RARS2: variants seen among roughly 807,000 people sequenced by gnomAD.
RARS2 encodes the protein arginyl-tRNA synthetase 2, mitochondrial.
A neutral mutation model predicts 88.5 loss-of-function variants in RARS2; 67 were observed. The observed-to-expected ratio is 0.76, with a 90% CI of 0.62 to 0.93. The LOEUF (loss-of-function observed/expected upper bound fraction) is 0.93, where lower values mean the gene tolerates loss of function less well. RARS2 is among the 40% of genes least tolerant of loss of function. RARS2 has a pLI of 0.00. For synonymous variants in RARS2, 239 were observed against 230.3 expected (o/e 1.04, Z -0.34); for missense variants, 664 against 684.2 (o/e 0.97, Z 0.33).
In RARS2 at chr6:87,569,580, ACT is replaced by A; in HGVS notation, c.45_46del (p.Arg15SerfsTer26). On this transcript the variant is annotated frameshift_variant, in exon 2 of 20. Transcript: ENST00000369536. LOFTEE classifies it high-confidence loss of function. The stretch of plus-strand genomic sequence containing the variant: ...CAAGTTTTCTGGTGGAAGATTCAAC[ACT>A]CTGGAAAGCTAAAAATCAAAAAGAA... 6.2e-7 allele frequency: 1 copy of A among 1,606,776 alleles called. No individual in the cohort carries two copies. The highest frequency in any genetic ancestry group is 8.5e-7 in the Non-Finnish European group (1 of 1,173,576).
intron 1 of RARS2, among the ~76,000 whole-genome samples, chr6:87,584,452 G>A (rs955592242): frequency 6.6e-6 from 1 of 152,086 alleles, no homozygotes; most frequent in Non-Finnish European, 1.5e-5. Context: ...ATACGGCACC[G>A]TACAAGTGAG....
intron 1 of RARS2, among the ~76,000 whole-genome samples, chr6:87,576,080 G>C (rs138089936): frequency 7.1e-6 from 1 of 140,350 alleles, no homozygotes; most frequent in African/African-American, 2.6e-5. Flanking sequence ...GATTACAGGC[G>C]TGAGCCAATG....
At chr6:87,519,196 G>GTGTGTA (rs1772929569) in intron 14 of RARS2, 1 of 271,486 alleles carries the variant, frequency 3.7e-6, no homozygotes, top group Non-Finnish European at 7.0e-6. Flanking sequence ...GTGTGTGTGT[G>GTGTGTA]TGTGTGTGTG....
chr6:87,520,859 A>AT (rs1454503605), intron 12 of RARS2, among the ~76,000 whole-genome samples: 1 of 152,202 alleles, frequency 6.6e-6, no homozygotes, highest in East Asian at 1.9e-4. Flanking sequence ...TGAAGGTGTG[A>AT]TTATTAAGTG....
At chr6:87,568,096 A>G (rs1290328115) in intron 2 of RARS2, among the ~76,000 whole-genome samples, 1 of 152,224 alleles carries the variant, frequency 6.6e-6, no homozygotes, top group Non-Finnish European at 1.5e-5. Flanking sequence ...TATAAACTAA[A>G]GTTAATACCT....
chr6:87,518,726 AAACC>A lies in RARS2; in HGVS notation c.1315_1318del (p.Gly439TyrfsTer43), dbSNP rs1772684260. 1 of 1,614,078 alleles carries A rather than the reference AAACC, an allele frequency of 6.2e-7. No homozygotes were observed. The highest frequency in any genetic ancestry group is 2.2e-5 in the East Asian group (1 of 44,876). On this transcript the variant is annotated frameshift_variant, in exon 16 of 20. Transcript: ENST00000369536. LOFTEE classifies it high-confidence loss of function. ...GCTGAACTTGTAGTCAGATAAGAGT[AAACC>A]TTTGAAGTCCTAAAACGACAGAGGA...
At chr6:87,561,037 T>TA (rs1479522260) in intron 4 of RARS2, among the ~76,000 whole-genome samples, 1 of 152,248 alleles carries the variant, frequency 6.6e-6, no homozygotes, top group Non-Finnish European at 1.5e-5. Flanking sequence ...TAGTGATTTA[T>TA]ATATTTACTT....
In RARS2 at chr6:87,589,908, T is replaced by TC; in HGVS notation, c.36+13dup. 1 of 1,611,052 alleles carries TC rather than the reference T, an allele frequency of 6.2e-7. No homozygotes were observed. ...GCTCCTCAGGGACTCCTCTGCGCGC[T>TC]CCGGGATCCATACCTGGCAAGCAAT... On this transcript the variant is annotated intron_variant, in intron 1 of 19. Transcript: ENST00000369536.
In RARS2 at chr6:87,529,602, C is replaced by A. The variant is rs139721632; in HGVS notation, c.818G>T (p.Arg273Leu). 527 of 1,609,796 alleles carry A rather than the reference C, an allele frequency of 3.3e-4. No individual in the cohort carries two copies. The highest frequency in any genetic ancestry group is 4.4e-4 in the Non-Finnish European group (516 of 1,176,222). ...CTTTAAGACCTCTTGAGATTTTTCACGATAAAATGATTCTCCTGAATATTC... is the reference window on the plus strand; with the variant it reads ...CTTTAAGACCTCTTGAGATTTTTCAAGATAAAATGATTCTCCTGAATATTC... Reference protein sequence around the residue: ...FDEYSGESFYREKSQEVLKLL... With the variant: ...FDEYSGESFYLEKSQEVLKLL... Residue 273 changes from arginine (R) to leucine (L), a missense_variant, in exon 10 of 20, where the codon CGT becomes CTT. By Grantham distance (102) the Arg-to-Leu change is moderately radical (BLOSUM62 -2). Transcript: ENST00000369536.
chr6:87,518,711 T>C lies in RARS2; in HGVS notation c.1334A>G (p.Tyr445Cys), dbSNP rs144896612. 3 of 1,614,114 alleles carry C rather than the reference T, an allele frequency of 1.9e-6. No homozygotes were observed. The highest frequency in any genetic ancestry group is 2.2e-5 in the East Asian group (1 of 44,878). Residue 445 changes from tyrosine to cysteine, a missense_variant, in exon 16 of 20, where the codon TAC becomes TGC. Coordinates refer to ENST00000369536, the MANE Select transcript of RARS2 (RefSeq NM_020320.5). ...QDFKGLLLSD[Y>C]KFSWDRVFQS... ...GAAAACACGATCCCAGCTGAACTTG[T>C]AGTCAGATAAGAGTAAACCTTTGAA... is the stretch of plus-strand genomic sequence containing the variant.
At chr6:87,542,344 C>T (rs1300560149) in intron 7 of RARS2, among the ~76,000 whole-genome samples, 4 of 152,126 alleles carry the variant, frequency 2.6e-5, no homozygotes, top group African/African-American at 9.7e-5. Flanking sequence ...TAAGCATCTA[C>T]TCTGTTGAAG....
intron 11 of RARS2, 121 bp from the exon 12 acceptor site, chr6:87,521,645 G>C (rs981308339): frequency 1.4e-6 from 1 of 736,726 alleles, no homozygotes; most frequent in Non-Finnish European, 2.4e-6. Context: ...ACAGCCTGAG[G>C]AATTCCACCC....
At chr6:87,573,217 G>A (rs9444516) in intron 1 of RARS2, among the ~76,000 whole-genome samples, 47,331 of 152,012 alleles carry the variant, frequency 0.31, 7,504 homozygotes, top group Admixed American at 0.41. Context: ...AAGGGAAGCA[G>A]GCACATCTCA....
intron 1 of RARS2, among the ~76,000 whole-genome samples, chr6:87,587,866 G>A (rs1450995059): frequency 6.6e-6 from 1 of 152,072 alleles, no homozygotes; most frequent in Non-Finnish European, 1.5e-5. Flanking sequence ...AGCCACCTGG[G>A]CCCAAACGAT....
At chr6:87,560,133 A>C (rs1251401932) in intron 4 of RARS2, among the ~76,000 whole-genome samples, 1 of 152,256 alleles carries the variant, frequency 6.6e-6, no homozygotes, top group Non-Finnish European at 1.5e-5. Context: ...CTATATAACA[A>C]AACAATAACA....
intron 7 of RARS2, among the ~76,000 whole-genome samples, chr6:87,543,826 C>T (rs955631538): frequency 6.6e-6 from 1 of 152,158 alleles, no homozygotes; most frequent in Non-Finnish European, 1.5e-5. Flanking sequence ...GCTCTATTAA[C>T]TTTCAAGCAA....
intron 17 of RARS2, 150 bp from the exon 18 acceptor site, chr6:87,517,030 G>C (rs899528703): frequency 8.0e-7 from 1 of 1,248,244 alleles, no homozygotes; most frequent in Non-Finnish European, 1.1e-6. Flanking sequence ...TGTAATCCCA[G>C]CACTTTGGGA....
intron 1 of RARS2, among the ~76,000 whole-genome samples, chr6:87,587,720 G>A (rs1371601004): frequency 6.6e-6 from 1 of 152,120 alleles, no homozygotes; most frequent in Non-Finnish European, 1.5e-5. Flanking sequence ...ATGTGAATGT[G>A]TAGTAACTAG....
At chr6:87,534,512 C>T (rs567570774) in intron 8 of RARS2, among the ~76,000 whole-genome samples, 4 of 152,286 alleles carry the variant, frequency 2.6e-5, no homozygotes, top group Admixed American at 2.0e-4. Context: ...ATTTTTTGCA[C>T]ATTTCAATGG....
Sources: gnomAD v4.1 joint callset for allele counts (sites outside exome capture counted in the v4.1 genomes callset) on GRCh38, gnomAD v4.1.1 for gene constraint, MANE v1.5 for transcripts, NCBI Gene and HGNC (gene_info 2026-07-23, HGNC 2026-07-21) for gene names.